RANBP2: variants seen among roughly 807,000 people sequenced by gnomAD.
RANBP2 encodes E3 SUMO-protein ligase RanBP2.
Under a neutral mutation model 303.6 loss-of-function variants are expected in RANBP2, and 57 were observed. The observed-to-expected ratio is 0.19, with a 90% CI of 0.15 to 0.23. The LOEUF is 0.23. RANBP2 is among the 10% of genes least tolerant of loss of function. RANBP2 has a pLI of 1.00. For synonymous variants in RANBP2, 1,167 were observed against 1,301.5 expected (o/e 0.90, Z 2.23); for missense variants, 3,138 against 3,780.8 (o/e 0.83, Z 4.46).
the RANBP2 span, among the ~76,000 whole-genome samples, chr2:109,591,691 G>A: frequency 6.6e-6 from 1 of 152,158 alleles, no homozygotes; most frequent in Non-Finnish European, 1.5e-5. Flanking sequence ...GAGGCCAGGA[G>A]TTCAAGACCA....
At chr2:109,540,186 TTGCTTTATAG>T in the RANBP2 span, among the ~76,000 whole-genome samples, 1 of 152,202 alleles carries the variant, frequency 6.6e-6, no homozygotes, top group African/African-American at 2.4e-5. Context: ...GTATTAAGGC[TTGCTTTATAG>T]TAAAACAGTC....
intron 25 of RANBP2, among the ~76,000 whole-genome samples, chr2:108,778,931 T>A (rs1488351392): frequency 2.0e-5 from 3 of 152,126 alleles, no homozygotes; most frequent in Non-Finnish European, 4.4e-5. Context: ...GGTCTCACTA[T>A]GTTACCCAGG....
downstream of RANBP2, chr2:108,788,137 G>T (rs1163775653): frequency 4.4e-6 from 7 of 1,576,816 alleles, no homozygotes; most frequent in East Asian, 1.6e-4. Context: ...TTTAATTTGA[G>T]GCTGGGCGCG....
intron 7 of RANBP2, among the ~76,000 whole-genome samples, chr2:108,741,282 C>G (rs1158660564): frequency 6.6e-6 from 1 of 151,916 alleles, no homozygotes; most frequent in Non-Finnish European, 1.5e-5. Flanking sequence ...CTGCAGCCTC[C>G]ACCTCCTGGG....
chr2:109,498,511 C>T, the RANBP2 span, among the ~76,000 whole-genome samples: 1 of 152,222 alleles, frequency 6.6e-6, no homozygotes, highest in Admixed American at 6.5e-5. Context: ...CTTCTGCGCC[C>T]CAGGCTCTGT....
the RANBP2 span, among the ~76,000 whole-genome samples, chr2:109,281,451 C>T: frequency 2.6e-5 from 4 of 152,180 alleles, no homozygotes; most frequent in Non-Finnish European, 4.4e-5. Flanking sequence ...ATCCAGCACA[C>T]GCACAGCACG....
the RANBP2 span, among the ~76,000 whole-genome samples, chr2:108,807,671 G>A: frequency 2.0e-5 from 3 of 152,164 alleles, no homozygotes; most frequent in African/African-American, 7.2e-5. Context: ...AGGCAGGAGT[G>A]CAGTGGCATG....
At chr2:109,187,196 G>A in the RANBP2 span, among the ~76,000 whole-genome samples, 86 of 152,284 alleles carry the variant, frequency 5.6e-4, no homozygotes, top group African/African-American at 1.9e-3. Context: ...ATTCCCAAAG[G>A]CATCGGTTTA....
the RANBP2 span, among the ~76,000 whole-genome samples, chr2:108,963,215 T>A: frequency 6.6e-6 from 1 of 152,166 alleles, no homozygotes; most frequent in African/African-American, 2.4e-5. Flanking sequence ...TTACATGATG[T>A]ATTCTTATCT....
At chr2:109,005,955 T>A in the RANBP2 span, among the ~76,000 whole-genome samples, 18 of 152,196 alleles carry the variant, frequency 1.2e-4, no homozygotes, top group South Asian at 3.7e-3. Context: ...TGTGTTCAGC[T>A]GAAAAGAGGA....
chr2:108,812,862 TC>T, the RANBP2 span: 1 of 1,613,458 alleles, frequency 6.2e-7, no homozygotes, highest in Middle Eastern at 1.7e-4. Flanking sequence ...GAAAGGAAGT[TC>T]CCATGCTGTT....
At chr2:108,797,018 C>T in the RANBP2 span, among the ~76,000 whole-genome samples, 1 of 152,142 alleles carries the variant, frequency 6.6e-6, no homozygotes, top group Non-Finnish European at 1.5e-5. Flanking sequence ...TAATAGATAT[C>T]CCCATCACCT....
the RANBP2 span, among the ~76,000 whole-genome samples, chr2:109,323,347 A>G: frequency 6.6e-6 from 1 of 152,350 alleles, no homozygotes; most frequent in African/African-American, 2.4e-5. Context: ...AGATACCTGT[A>G]TGACTCCAGC....
chr2:109,230,596 A>G, the RANBP2 span, among the ~76,000 whole-genome samples: 1 of 152,186 alleles, frequency 6.6e-6, no homozygotes, highest in Non-Finnish European at 1.5e-5. Context: ...AAAATAGGAA[A>G]GAAAAGAAAC....
chr2:108,765,257 G>C lies in RANBP2; in HGVS notation c.4718G>C (p.Ser1573Thr). Residue 1573 changes from serine (S) to threonine (T), a missense_variant, in exon 20 of 29, where the codon AGT becomes ACT. By Grantham distance (58) the Ser-to-Thr change is moderately conservative. This residue lies in a region of RANBP2 where 388 missense variants were observed against 328.5 expected (regional missense o/e 1.18). Coordinates refer to ENST00000283195, the MANE Select transcript of RANBP2 (RefSeq NM_006267.5). ...GCTTGTCAGAATCCGGATAAACCAAGTCCATCTACTTCTGTTCCAGCTCCT... is the reference window on the plus strand; with the variant it reads ...GCTTGTCAGAATCCGGATAAACCAACTCCATCTACTTCTGTTCCAGCTCCT... Reference protein sequence around the residue: ...CVACQNPDKPSPSTSVPAPAS... With the variant: ...CVACQNPDKPTPSTSVPAPAS... 1.9e-6 allele frequency: 3 copies of C among 1,613,582 alleles called. No individual in the cohort carries two copies. Among genetic ancestry groups the C allele is most frequent in the East Asian group, 4.5e-5 (2 of 44,810 alleles).
chr2:109,139,974 T>C, the RANBP2 span, among the ~76,000 whole-genome samples: 1 of 152,072 alleles, frequency 6.6e-6, no homozygotes, highest in Admixed American at 6.5e-5. Flanking sequence ...ATAGCTGCTT[T>C]AAAAAAACAG....
chr2:109,223,684 C>A, the RANBP2 span, among the ~76,000 whole-genome samples: 2 of 152,202 alleles, frequency 1.3e-5, no homozygotes, highest in Non-Finnish European at 2.9e-5. Flanking sequence ...TTCTGCCCCC[C>A]ACGTGATGCT....
the RANBP2 span, among the ~76,000 whole-genome samples, chr2:109,260,344 C>T: frequency 6.6e-6 from 1 of 152,176 alleles, no homozygotes; most frequent in South Asian, 2.1e-4. Flanking sequence ...TGAGGGAGAC[C>T]TGTGACCCGA....
chr2:108,720,516 C>T (rs1405681121), intron 1 of RANBP2, among the ~76,000 whole-genome samples: 1 of 152,056 alleles, frequency 6.6e-6, no homozygotes, highest in African/African-American at 2.4e-5. Context: ...TAAAGAGTGA[C>T]GGAAGAAGCT....
Sources: gnomAD v4.1 joint callset for allele counts (sites outside exome capture counted in the v4.1 genomes callset) on GRCh38, gnomAD v4.1.1 for gene constraint, gnomAD v4.1.1 regional missense constraint, MANE v1.5 for transcripts, NCBI Gene and HGNC (gene_info 2026-07-23, HGNC 2026-07-21) for gene names.